WDR76: variants seen among roughly 807,000 people sequenced by gnomAD.
WDR76 encodes WD repeat-containing protein 76.
A neutral mutation model predicts 70.2 loss-of-function variants in WDR76; 52 were observed. The ratio of observed to expected loss-of-function variants is 0.74; its 90% confidence interval spans 0.59 to 0.93. The LOEUF is 0.93. Ranked by LOEUF, WDR76 falls within the 40% of genes least tolerant of loss-of-function variation. The pLI is 0.00. For missense variants in WDR76, 756 were observed against 760.2 expected, an observed-to-expected ratio of 0.99 and a Z score of 0.07; for synonymous variants, 292 against 271.1, an observed-to-expected ratio of 1.08 and a Z score of -0.76.
intron 8 of WDR76, among the ~76,000 whole-genome samples, chr15:43,849,310 A>G (rs1057151834): frequency 1.3e-5 from 2 of 152,164 alleles, no homozygotes; most frequent in African/African-American, 4.8e-5. Context: ...TACTTTTGCC[A>G]TTGTAGAAGA....
chr15:43,855,694 C>T (rs1176912703), intron 9 of WDR76, among the ~76,000 whole-genome samples: 8 of 152,000 alleles, frequency 5.3e-5, no homozygotes, highest in Non-Finnish European at 1.2e-4. Flanking sequence ...ATAACGTGCT[C>T]ATGATATAGT....
chr15:43,841,608 G>A (rs1200113255), intron 5 of WDR76, among the ~76,000 whole-genome samples: 5 of 152,116 alleles, frequency 3.3e-5, no homozygotes, highest in Non-Finnish European at 7.4e-5. Context: ...CCAAAGTGCA[G>A]GGATCACAGG....
intron 8 of WDR76, among the ~76,000 whole-genome samples, chr15:43,846,279 AC>A (rs2087787125): frequency 1.0e-5 from 1 of 98,304 alleles, no homozygotes; most frequent in Non-Finnish European, 2.5e-5. Flanking sequence ...TTGGATAGAG[AC>A]TTTTTTTTTT....
chr15:43,859,344 C>T (rs564594817), intron 11 of WDR76, among the ~76,000 whole-genome samples: 9 of 152,196 alleles, frequency 5.9e-5, no homozygotes, highest in South Asian at 2.1e-4. Flanking sequence ...ATAAACCAAT[C>T]GAACAAAAAA....
intron 8 of WDR76, 84 bp downstream of exon 8, chr15:43,844,138 T>A: frequency 7.8e-7 from 1 of 1,288,020 alleles, no homozygotes; most frequent in Non-Finnish European, 1.0e-6. Flanking sequence ...CATGTGTTTA[T>A]AAATGTTGCG....
intron 5 of WDR76, among the ~76,000 whole-genome samples, chr15:43,840,252 G>A (rs1474698028): frequency 4.6e-5 from 7 of 151,814 alleles, no homozygotes; most frequent in Non-Finnish European, 8.8e-5. Context: ...GATTGTGGGT[G>A]AGTTAATTAA....
chr15:43,842,577 T>C (rs2087739100), intron 6 of WDR76, 51 bp from the exon 7 acceptor site: 1 of 1,587,692 alleles, frequency 6.3e-7, no homozygotes, highest in Admixed American at 1.7e-5. Context: ...TATATATATG[T>C]AAAAATATAT....
chr15:43,854,649 A>G (rs188001475), intron 9 of WDR76, among the ~76,000 whole-genome samples: 12 of 152,220 alleles, frequency 7.9e-5, no homozygotes, highest in Admixed American at 5.2e-4. Flanking sequence ...ATGTGTAACT[A>G]TCGTAATCAA....
intron 11 of WDR76, 42 bp downstream of exon 11, chr15:43,858,865 GTC>G (rs748269326): frequency 1.3e-6 from 2 of 1,594,036 alleles, no homozygotes; most frequent in South Asian, 2.3e-5. Flanking sequence ...AATCTAAAGA[GTC>G]TATAGCTACT....
intron 8 of WDR76, among the ~76,000 whole-genome samples, chr15:43,848,056 C>T (rs1167512320): frequency 6.6e-6 from 1 of 150,632 alleles, no homozygotes; most frequent in Non-Finnish European, 1.5e-5. Context: ...TAGTGAGATG[C>T]CTGTCTCTTA....
In WDR76 at chr15:43,866,261, G is replaced by T; in HGVS notation, c.1750G>T (p.Val584Leu). The change falls in exon 13 of 13, where the codon GTG becomes TTG. Residue 584 changes from valine to leucine, a missense_variant. Transcript: ENST00000263795. ...VEIFHETGKR[V>L]HSFGGEYLVS... Reference sequence around the variant, plus strand: ...AATCTTCCATGAGACAGGAAAGAGGGTGCATTCGTTTGGTGGAGAATACCT... The same window carrying T: ...AATCTTCCATGAGACAGGAAAGAGGTTGCATTCGTTTGGTGGAGAATACCT... The T allele has an allele frequency of 6.2e-7, 1 of 1,614,176 alleles. No individual in the cohort carries two copies. Among genetic ancestry groups the T allele is most frequent in the Non-Finnish European group, 8.5e-7 (1 of 1,180,054 alleles).
chr15:43,835,154 T>C lies in WDR76; in HGVS notation c.552+4T>C. The C allele has an allele frequency of 6.2e-7, 1 of 1,613,892 alleles. No individual in the cohort carries two copies. Among genetic ancestry groups the C allele is most frequent in the South Asian group, 1.1e-5 (1 of 91,076 alleles). ...TGCTTCTCTTCAGTTGTCTGAGGTTTGTGTGGAGTCTATTTAAAAGCAAGA... is the reference window on the plus strand; with the variant it reads ...TGCTTCTCTTCAGTTGTCTGAGGTTCGTGTGGAGTCTATTTAAAAGCAAGA... On this transcript the variant is annotated splice_donor_region_variant and intron_variant, in intron 3 of 12. Coordinates refer to ENST00000263795, the MANE Select transcript of WDR76 (RefSeq NM_024908.4).
At chr15:43,843,173 A>C (rs2140303007) in intron 7 of WDR76, among the ~76,000 whole-genome samples, 1 of 151,936 alleles carries the variant, frequency 6.6e-6, no homozygotes, top group South Asian at 2.1e-4. Context: ...ACAGGCGTGC[A>C]CCATCACATC....
At position 43,842,647 on chromosome 15, in the gene WDR76, A is replaced by C; in HGVS notation, c.854A>C (p.Glu285Ala). The change falls in exon 7 of 13, where the codon GAG (glutamate) becomes GCG (alanine). Residue 285 changes from glutamate to alanine, a missense_variant. By Grantham distance (107) the Glu-to-Ala change is moderately radical. Transcript: ENST00000263795. Reference protein sequence around the residue: ...GMSKPSSKNTEKGLSSIKSYK... With the variant: ...GMSKPSSKNTAKGLSSIKSYK... ...TTTCAGCCAAGTAGTAAGAACACTGAGAAGGGATTATCTAGCATTAAAAGG... is the reference window on the plus strand; with the variant it reads ...TTTCAGCCAAGTAGTAAGAACACTGCGAAGGGATTATCTAGCATTAAAAGG... 1 of 1,610,288 alleles carries C rather than the reference A, an allele frequency of 6.2e-7. No homozygotes were observed. The highest frequency in any genetic ancestry group is 1.1e-5 in the South Asian group (1 of 90,432).
At chr15:43,852,284 A>G (rs1456825564) in intron 9 of WDR76, among the ~76,000 whole-genome samples, 6 of 152,042 alleles carry the variant, frequency 3.9e-5, no homozygotes, top group African/African-American at 1.4e-4. Flanking sequence ...CCCAGGTTCA[A>G]GCAATTCTTC....
rs578095177 is a variant in WDR76 at position 43,845,831 on chromosome 15, G to T, written c.1032+1777G>T. On this transcript the variant is annotated intron_variant, in intron 8 of 12. Transcript: ENST00000263795. ...TTTCTTATTGGGGAAGAAGACCAAA[G>T]ACATGAAAAATGCCATAAGGACAAT... Among the ~76,000 whole-genome samples the T allele has an allele frequency of 2.0e-5, 3 of 150,314 alleles. 1 individual carries two copies. The highest frequency in any genetic ancestry group is 4.5e-5 in the Non-Finnish European group (3 of 67,104).
At chr15:43,834,264 G>A (rs1185807043) in intron 2 of WDR76, among the ~76,000 whole-genome samples, 3 of 148,028 alleles carry the variant, frequency 2.0e-5, no homozygotes, top group Admixed American at 6.7e-5. Context: ...ACTCTACTGC[G>A]TTTAAGGGAA....
chr15:43,853,835 G>GAATCGCTTGAACCC (rs1223202545), intron 9 of WDR76, among the ~76,000 whole-genome samples: 10 of 151,170 alleles, frequency 6.6e-5, no homozygotes, highest in Non-Finnish European at 1.5e-5. Flanking sequence ...GAACCCGGGA[G>GAATCGCTTGAACCC]GTGGAGTTTG....
chr15:43,827,260 A>G (rs566767894), intron 1 of WDR76, 168 bp downstream of exon 1: 2 of 733,708 alleles, frequency 2.7e-6, no homozygotes, highest in African/African-American at 1.8e-5. Flanking sequence ...ATAACCCGAG[A>G]AATAGTGGGA....
Sources: allele counts gnomAD v4.1 joint callset (sites outside exome capture counted in the v4.1 genomes callset), GRCh38; gene constraint gnomAD v4.1.1; transcripts MANE v1.5; gene names NCBI Gene and HGNC (gene_info 2026-07-23, HGNC 2026-07-21).